The following TRRAP variants were observed in gnomAD, a reference collection of about 807,000 sequenced individuals.
The protein encoded by TRRAP is transformation/transcription domain-associated protein.
In TRRAP, 41 loss-of-function variants were observed where a neutral mutation model predicts 438.8. The observed-to-expected ratio is 0.09, with a 90% CI of 0.07 to 0.12. TRRAP has a LOEUF of 0.12. TRRAP is among the 10% of genes least tolerant of loss of function. The pLI is 1.00. For missense variants in TRRAP, 3,122 were observed against 5,055.1 expected, an observed-to-expected ratio of 0.62 and a Z score of 11.60; for synonymous variants, 1,994 against 1,962.9, an observed-to-expected ratio of 1.02 and a Z score of -0.42.
intron 57 of TRRAP, 115 bp from the exon 58 acceptor site, chr7:98,978,654 C>A (rs1792777135): frequency 1.4e-6 from 2 of 1,408,516 alleles, no homozygotes; most frequent in South Asian, 1.2e-5. Context: ...TCCACTCTTA[C>A]TGTGTTGTTC....
At chr7:98,883,995 C>T (rs1164839532) in intron 3 of TRRAP, among the ~76,000 whole-genome samples, 2 of 152,122 alleles carry the variant, frequency 1.3e-5, no homozygotes, top group Non-Finnish European at 2.9e-5. Context: ...CTGTGGATAG[C>T]CCAGGGTCTT....
In TRRAP at chr7:99,011,605, G is replaced by A. The variant is rs1794430116; in HGVS notation, c.11337+70G>A. The stretch of plus-strand genomic sequence containing the variant: ...TCAGATGCCCGCGCGTCACGGCCTT[G>A]CAGGAGCTGCTGATGTGCCTCACGG... On this transcript the variant is annotated intron_variant, in intron 72 of 72. Transcript: ENST00000456197. This position sits in a 1 kb window ranked among gnomAD's most constrained non-coding sequence, Gnocchi z 7.1. 1.3e-6 allele frequency: 2 copies of A among 1,534,214 alleles called. No homozygotes were observed. The highest frequency in any genetic ancestry group is 1.3e-5 in the South Asian group (1 of 78,690).
At chr7:98,922,789 G>A (rs1230266443) in intron 21 of TRRAP, among the ~76,000 whole-genome samples, 1 of 152,070 alleles carries the variant, frequency 6.6e-6, no homozygotes. Context: ...CCAGCATCGT[G>A]TGGCCTGGAA....
chr7:98,998,043 C>T, intron 67 of TRRAP, among the ~76,000 whole-genome samples: 1 of 152,126 alleles, frequency 6.6e-6, no homozygotes, highest in Non-Finnish European at 1.5e-5. Flanking sequence ...TTGGCAGAAA[C>T]CTAGGCTGGA....
chr7:98,902,908 TAAAAAAAA>T (rs34223624), intron 11 of TRRAP, among the ~76,000 whole-genome samples: 2 of 132,172 alleles, frequency 1.5e-5, no homozygotes, highest in East Asian at 4.4e-4. Flanking sequence ...CCCCCATTTC[TAAAAAAAA>T]AAAAAAAAAA....
Position 98,994,990 on chromosome 7 carries a change from CT to C in TRRAP, c.10309+144del. 2 of 1,240,032 alleles carry C rather than the reference CT, an allele frequency of 1.6e-6. No homozygotes were observed. Among genetic ancestry groups the C allele is most frequent in the Non-Finnish European group, 2.2e-6 (2 of 905,382 alleles). 76.8% of individuals were successfully genotyped at this position (1,240,032 alleles called of 1,614,324 possible). ...GGTTACACTCTGTTTACAGTGCAGA[CT>C]TCAGAGTGCATAGCTGAGACCACAT... On this transcript the variant is annotated intron_variant, in intron 67 of 72. Coordinates refer to ENST00000456197, the MANE Select transcript of TRRAP (RefSeq NM_001375524.1). The surrounding 1 kb of genome is among the most constrained non-coding windows in gnomAD (Gnocchi z 4.8).
intron 3 of TRRAP, among the ~76,000 whole-genome samples, chr7:98,888,625 T>G (rs1795822693): frequency 6.6e-6 from 1 of 152,218 alleles, no homozygotes; most frequent in Non-Finnish European, 1.5e-5. Context: ...CACTCGTGCT[T>G]TCTCTTGATT....
intron 11 of TRRAP, among the ~76,000 whole-genome samples, chr7:98,902,921 A>AAAG (rs1300916267): frequency 2.6e-5 from 4 of 151,666 alleles, no homozygotes; most frequent in Non-Finnish European, 2.9e-5. Context: ...AAAAAAAAAA[A>AAAG]AAAAAGAAAA....
intron 12 of TRRAP, among the ~76,000 whole-genome samples, chr7:98,904,812 C>CA (rs1327280915): frequency 2.6e-5 from 4 of 152,206 alleles, no homozygotes; most frequent in African/African-American, 9.7e-5. Flanking sequence ...CATCACATCT[C>CA]AAAGTTTTGG....
chr7:99,001,402 GA>G (rs1793914185), intron 67 of TRRAP, among the ~76,000 whole-genome samples: 1 of 152,210 alleles, frequency 6.6e-6, no homozygotes, highest in Non-Finnish European at 1.5e-5. Flanking sequence ...AGTCCGAGAT[GA>G]AAGTTTTATG....
At chr7:98,999,728 A>G in intron 67 of TRRAP, 1 of 720,756 alleles carries the variant, frequency 1.4e-6, no homozygotes. Flanking sequence ...GGGAGAAAGC[A>G]AATGGTATAT....
rs892502574 is a variant in TRRAP, at chr7:98,978,811, C to T, written c.8541C>T (p.Tyr2847=). 6.8e-6 allele frequency: 11 copies of T among 1,614,108 alleles called. No homozygotes were observed. The highest frequency in any genetic ancestry group is 1.7e-5 in the Admixed American group (1 of 60,012). The change falls in exon 58 of 73, where the codon TAC becomes TAT. Residue 2847 remains tyrosine (Y), a synonymous_variant. Coordinates refer to ENST00000456197, the MANE Select transcript of TRRAP (RefSeq NM_001375524.1). ...ACCAGTGGGAAGCCCTGACGGAGTA[C>T]GGTCAGTCCAAAGGCCACATCAACC... The part of the protein sequence containing the change: ...ELNQWEALTE[Y]GQSKGHINPY...
chr7:98,957,610 C>T (rs1251092916), intron 43 of TRRAP, among the ~76,000 whole-genome samples: 1 of 152,200 alleles, frequency 6.6e-6, no homozygotes, highest in Non-Finnish European at 1.5e-5. Context: ...TCAATGCACC[C>T]CTGGTTCTGG....
At chr7:98,945,886 T>C (rs782787332) in intron 32 of TRRAP, 44 bp from the exon 33 acceptor site, 2 of 1,566,098 alleles carry the variant, frequency 1.3e-6, no homozygotes, top group South Asian at 2.3e-5. Context: ...TCTTTTTACC[T>C]TTCTGTTGCC....
intron 63 of TRRAP, 152 bp from the exon 64 acceptor site, chr7:98,990,303 A>T: frequency 3.1e-6 from 2 of 641,192 alleles, no homozygotes; most frequent in Non-Finnish European, 5.1e-6. Flanking sequence ...GATTTACATT[A>T]AGTTTAGCAA....
intron 31 of TRRAP, among the ~76,000 whole-genome samples, chr7:98,945,281 T>C (rs960017247): frequency 2.0e-5 from 3 of 152,228 alleles, no homozygotes; most frequent in Admixed American, 1.3e-4. Flanking sequence ...GGAAGACTGC[T>C]TACTTTACAT....
intron 12 of TRRAP, 78 bp downstream of exon 12, chr7:98,903,595 G>A: frequency 1.9e-6 from 3 of 1,583,128 alleles, no homozygotes; most frequent in Non-Finnish European, 2.6e-6. Flanking sequence ...ACATTCCATA[G>A]TTGTGCTGTG....
chr7:98,918,384 C>A (rs1554409901), intron 20 of TRRAP, among the ~76,000 whole-genome samples: 1 of 151,878 alleles, frequency 6.6e-6, no homozygotes, highest in African/African-American at 2.4e-5. Flanking sequence ...ACGCGTACCA[C>A]CATGCCTGGC....
rs767000285 is a variant in TRRAP at position 98,976,581 on chromosome 7, G to A, written c.8058G>A (p.Met2686Ile). Residue 2686 changes from methionine to isoleucine, a missense_variant, in exon 55 of 73, where the codon ATG becomes ATA. Met to Ile is a conservative substitution (Grantham distance 10, BLOSUM62 1). Transcript: ENST00000456197. The surrounding 1 kb of genome is among the most constrained non-coding windows in gnomAD (Gnocchi z 4.6). ...CGCTGAACTGCTTTGTGGAAGCCAT[G>A]TCCCAGTGCGTGCCGCCAATCCCCA... ...PSALNCFVEAMSQCVPPIPIR... is the reference protein window; with the variant it reads ...PSALNCFVEAISQCVPPIPIR... The A allele has an allele frequency of 2.5e-6, 4 of 1,614,068 alleles. No individual in the cohort carries two copies. The African/African-American group carries it at 5.3e-5, about 22-fold the overall frequency.
Sources: gnomAD v4.1 joint callset for allele counts (sites outside exome capture counted in the v4.1 genomes callset) on GRCh38, gnomAD v4.1.1 for gene constraint, Gnocchi (gnomAD v3.1) non-coding constraint, MANE v1.5 for transcripts, NCBI Gene and HGNC (gene_info 2026-07-23, HGNC 2026-07-21) for gene names.